CLCF1: variants seen among roughly 807,000 people sequenced by gnomAD.
CLCF1 encodes cardiotrophin like cytokine factor 1, also known as cardiotrophin-like cytokine factor 1.
Under a neutral mutation model 21.2 loss-of-function variants are expected in CLCF1, and 10 were observed. That is an observed-to-expected ratio of 0.47 (90% CI 0.29 to 0.80). CLCF1 has a LOEUF of 0.80. Among genes scored for constraint, CLCF1 ranks in the 30% least tolerant of loss-of-function variants. The pLI is 0.09. For missense variants in CLCF1, 240 were observed against 293.4 expected (o/e 0.82, Z 1.33); for synonymous variants, 115 against 120.5 (o/e 0.95, Z 0.30).
rs1293212651 is a variant in CLCF1 at position 67,365,068 on chromosome 11, A to AT, written c.*67dup. On this transcript the variant is annotated 3_prime_UTR_variant, in exon 3 of 3. Transcript: ENST00000312438. This position sits in a 1 kb window ranked among gnomAD's most constrained non-coding sequence, Gnocchi z 5.0. ...GTCTCCTGGCTCAACAGGTGTTGGC[A>AT]TACAGGGCTGGCTCTCACAAAGTGG... 3.1e-6 allele frequency: 5 copies of AT among 1,607,516 alleles called. No individual in the cohort carries two copies. The highest frequency in any genetic ancestry group is 4.2e-6 in the Non-Finnish European group (5 of 1,179,688).
intron 1 of CLCF1, chr11:67,370,208 G>A (rs1862199070): frequency 7.1e-6 from 7 of 985,304 alleles, no homozygotes; most frequent in South Asian, 4.7e-5. Context: ...AGGAGGGAAA[G>A]CAGCGTGGGG....
At chr11:67,366,292 G>A (rs1279961955) in intron 2 of CLCF1, among the ~76,000 whole-genome samples, 1 of 152,168 alleles carries the variant, frequency 6.6e-6, no homozygotes, top group East Asian at 1.9e-4. Flanking sequence ...GAACTAGAGA[G>A]GGCAGTGGAG....
intron 2 of CLCF1, 101 bp downstream of exon 2, chr11:67,367,359 C>G (rs1862132473): frequency 1.2e-5 from 19 of 1,577,698 alleles, no homozygotes; most frequent in Admixed American, 1.7e-5. Context: ...CAAAGAGCCC[C>G]TCCTCACCCC....
At position 67,372,192 on chromosome 11, in the gene CLCF1, C is replaced by G. The variant is rs146751308; in HGVS notation, c.16+1332G>C. On this transcript the variant is annotated intron_variant, in intron 1 of 2. Coordinates refer to ENST00000312438, the MANE Select transcript of CLCF1 (RefSeq NM_013246.3). The surrounding 1 kb of genome is among the most constrained non-coding windows in gnomAD (Gnocchi z 5.9). ...AGGAGGACCCAGTAGAGCAGCGTGCCCAGTGCCCCCCACCCCTAGCCTCTC... is the reference window on the plus strand; with the variant it reads ...AGGAGGACCCAGTAGAGCAGCGTGCGCAGTGCCCCCCACCCCTAGCCTCTC... Among the ~76,000 whole-genome samples the G allele has an allele frequency of 1.0e-3, 156 of 152,138 alleles. No homozygotes were observed. Among genetic ancestry groups the G allele is most frequent in the African/African-American group, 3.4e-3 (140 of 41,522 alleles).
upstream of CLCF1, chr11:67,373,829 T>A: frequency 1.2e-6 from 1 of 852,528 alleles, no homozygotes; most frequent in Non-Finnish European, 1.4e-6. Context: ...TCCCTCTCCC[T>A]CCCACAGCAC....
At chr11:67,367,986 C>T (rs545978427) in intron 1 of CLCF1, 2 of 984,956 alleles carry the variant, frequency 2.0e-6, no homozygotes, top group Middle Eastern at 5.2e-4. Context: ...TGCAGGTCGA[C>T]CTGCCTGTGT....
chr11:67,368,197 C>T (rs1862157749), intron 1 of CLCF1: 2 of 985,192 alleles, frequency 2.0e-6, no homozygotes, highest in South Asian at 9.4e-5. Context: ...GGTCGGGCTG[C>T]CTTATGGGGC....
At chr11:67,370,375 C>A (rs1862202750) in intron 1 of CLCF1, 1 of 984,582 alleles carries the variant, frequency 1.0e-6, no homozygotes, top group South Asian at 4.7e-5. Flanking sequence ...GTCCTAGGTC[C>A]CCCTCTCCCC....
chr11:67,370,080 C>T, intron 1 of CLCF1: 1 of 985,240 alleles, frequency 1.0e-6, no homozygotes, highest in South Asian at 4.7e-5. Flanking sequence ...GAAGGGTTCT[C>T]AGGAATCCAG....
At chr11:67,370,527 G>A (rs890731972) in intron 1 of CLCF1, 11 of 911,006 alleles carry the variant, frequency 1.2e-5, no homozygotes, top group Admixed American at 7.7e-5. Context: ...TACAGCTCAC[G>A]TTTCCTGCAA....
At chr11:67,373,637 C>T (rs1862285180), upstream of CLCF1, 4 of 1,266,976 alleles carry the variant, frequency 3.2e-6, no homozygotes, top group South Asian at 8.1e-5. Context: ...ATAATCCCAT[C>T]CGCCAGGCCC....
intron 2 of CLCF1, among the ~76,000 whole-genome samples, chr11:67,366,391 G>T (rs1862098841): frequency 6.6e-6 from 1 of 152,198 alleles, no homozygotes; most frequent in African/African-American, 2.4e-5. Flanking sequence ...ACACACCCAG[G>T]CCCACCAGCT....
chr11:67,368,368 C>T (rs966319901), intron 1 of CLCF1: 5 of 985,086 alleles, frequency 5.1e-6, no homozygotes, highest in Admixed American at 6.2e-5. Context: ...TTCAATGAGG[C>T]CTTTCCATCA....
chr11:67,367,145 C>T (rs755028796), intron 2 of CLCF1, among the ~76,000 whole-genome samples: 1 of 147,592 alleles, frequency 6.8e-6, no homozygotes, highest in Non-Finnish European at 1.5e-5. Context: ...GCGCAAGAGA[C>T]ACCACAACAC....
In CLCF1 at chr11:67,365,767, C is replaced by T. The variant is rs1862082006; in HGVS notation, c.184-137G>A. 3 of 1,316,234 alleles carry T rather than the reference C, an allele frequency of 2.3e-6. No homozygotes were observed. Among genetic ancestry groups the T allele is most frequent in the Non-Finnish European group, 3.1e-6 (3 of 980,676 alleles). The allele number at this position is 1,316,234 out of a possible 1,614,324, so 81.5% of individuals were successfully genotyped here. The stretch of plus-strand genomic sequence containing the variant: ...TGTCTCCATGCTAGGCTTCTTTGTT[C>T]ATGGCCTCCCTGAGTTTTTCCAATA... On this transcript the variant is annotated intron_variant, in intron 2 of 2. Transcript: ENST00000312438. The surrounding 1 kb of genome is among the most constrained non-coding windows in gnomAD (Gnocchi z 5.0).
At chr11:67,369,960 C>T (rs1163953332) in intron 1 of CLCF1, 2 of 985,190 alleles carry the variant, frequency 2.0e-6, no homozygotes, top group Non-Finnish European at 2.4e-6. Flanking sequence ...CCAGACGAGG[C>T]CGGTGTTTCC....
Position 67,365,145 on chromosome 11 carries a change from A to G in CLCF1, c.669T>C (p.His223=), listed in dbSNP as rs758650470. 8.7e-6 allele frequency: 14 copies of G among 1,613,892 alleles called. No individual in the cohort carries two copies. The highest frequency in any genetic ancestry group is 1.1e-5 in the Non-Finnish European group (13 of 1,180,032). The change falls in exon 3 of 3, where the codon CAT becomes CAC. Residue 223 remains histidine, a synonymous_variant. Transcript: ENST00000312438. This position sits in a 1 kb window ranked among gnomAD's most constrained non-coding sequence, Gnocchi z 5.0. ...AAAVTLHLGA[H]GF The stretch of plus-strand genomic sequence containing the variant: ...AGGAGAAGGTCAGAAGTCAGAAGCC[A>G]TGAGCCCCCAGGTGCAGGGTGACTG...
At chr11:67,368,487 G>C (rs912978323) in intron 1 of CLCF1, 2 of 985,240 alleles carry the variant, frequency 2.0e-6, no homozygotes, top group African/African-American at 1.7e-5. Context: ...GAGTCCAGAG[G>C]CCAGGGTTGG....
In CLCF1 at chr11:67,370,107, G is replaced by A. The variant is rs1862196338; in HGVS notation, c.17-2481C>T. 10 of 985,244 alleles carry A rather than the reference G, an allele frequency of 1.0e-5. No homozygotes were observed. The South Asian group carries it at 1.9e-4, about 19-fold the overall frequency. 61.0% of individuals were successfully genotyped at this position (985,244 alleles called of 1,614,324 possible). A position where few individuals can be genotyped will look rare whatever the true frequency, so the allele number is the denominator to read the frequency against. Reference sequence around the variant, plus strand: ...GGAATCCAGAGGGAGAAGAGGTTAGGAGAAAAGAAAGGGGGGGTAGAAGGA... The same window carrying A: ...GGAATCCAGAGGGAGAAGAGGTTAGAAGAAAAGAAAGGGGGGGTAGAAGGA... On this transcript the variant is annotated intron_variant, in intron 1 of 2. Coordinates refer to ENST00000312438, the MANE Select transcript of CLCF1 (RefSeq NM_013246.3).
Sources: gnomAD v4.1 joint callset for allele counts (sites outside exome capture counted in the v4.1 genomes callset) on GRCh38, gnomAD v4.1.1 for gene constraint, Gnocchi (gnomAD v3.1) non-coding constraint, MANE v1.5 for transcripts, NCBI Gene and HGNC (gene_info 2026-07-23, HGNC 2026-07-21) for gene names.